DNM3: variants seen among roughly 807,000 people sequenced by gnomAD.
DNM3 encodes the protein dynamin 3, also known as dynamin-3.
In DNM3, 47 loss-of-function variants were observed where a neutral mutation model predicts 101.6. The observed-to-expected ratio is 0.46, with a 90% CI of 0.37 to 0.59. The LOEUF (loss-of-function observed/expected upper bound fraction) is 0.59, where lower values mean the gene tolerates loss of function less well. DNM3 is among the 20% of genes least tolerant of loss of function. The probability of loss-of-function intolerance (pLI) is 0.00; values close to 1 mark genes in which losing one functional copy is unlikely to be tolerated. For synonymous variants in DNM3, 385 were observed against 387.9 expected (o/e 0.99, Z 0.09); for missense variants, 849 against 1,085.7 (o/e 0.78, Z 3.06).
In DNM3 at chr1:172,323,349, T is replaced by A. The variant is rs948602909; in HGVS notation, c.1893+9T>A. The A allele has an allele frequency of 1.2e-6, 2 of 1,606,500 alleles. No homozygotes were observed. Among genetic ancestry groups the A allele is most frequent in the African/African-American group, 2.7e-5 (2 of 74,880 alleles). On this transcript the variant is annotated intron_variant, in intron 17 of 20. Transcript: ENST00000627582. ...CATAGGGGAACAACAAAGTAAGTTA[T>A]TTGTCCTCTTGCAGCTCTTCTGTCC...
intron 15 of DNM3, among the ~76,000 whole-genome samples, chr1:172,299,151 C>G (rs1360579350): frequency 6.6e-6 from 1 of 152,104 alleles, no homozygotes; most frequent in Non-Finnish European, 1.5e-5. Flanking sequence ...TATTCAAAAG[C>G]ATTGGAAGTA....
intron 1 of DNM3, among the ~76,000 whole-genome samples, chr1:171,847,886 C>G (rs200863921): frequency 0.036 from 1,853 of 50,836 alleles, 20 homozygotes; most frequent in East Asian, 0.11. Context: ...ATTACTCTCT[C>G]TCTCTCTCTC....
At chr1:172,009,146 ATT>A (rs1343368913) in intron 4 of DNM3, among the ~76,000 whole-genome samples, 4 of 138,428 alleles carry the variant, frequency 2.9e-5, no homozygotes, top group African/African-American at 1.1e-4. Context: ...TATTATATAT[ATT>A]ATATGATATA....
At chr1:172,235,934 A>G (rs1246417918) in intron 14 of DNM3, among the ~76,000 whole-genome samples, 3 of 152,294 alleles carry the variant, frequency 2.0e-5, no homozygotes, top group Non-Finnish European at 1.5e-5. Flanking sequence ...AACATGACAC[A>G]TGTATACATA....
Position 172,265,733 on chromosome 1 carries a change from C to T in DNM3, c.1769+12051C>T, listed in dbSNP as rs546931886. On this transcript the variant is annotated intron_variant, in intron 15 of 20. Coordinates refer to ENST00000627582, the MANE Select transcript of DNM3 (RefSeq NM_015569.5). ...GATAATGGCCTCACTGTGCTTCTCT[C>T]GGCTCTCCCCAGGCAGGCGTTCAGT... Among the ~76,000 whole-genome samples, 630 of 152,184 alleles carry T rather than the reference C, an allele frequency of 4.1e-3. 6 individuals carry two copies. Among genetic ancestry groups the T allele is most frequent in the Middle Eastern group, 6.8e-3 (2 of 294 alleles).
At chr1:172,171,836 C>CA (rs1373629508) in intron 14 of DNM3, among the ~76,000 whole-genome samples, 2 of 151,526 alleles carry the variant, frequency 1.3e-5, no homozygotes, top group Admixed American at 6.6e-5. Context: ...AGGACAGTGT[C>CA]AAAAAAATTT....
chr1:172,235,038 GAA>G (rs1230736196), intron 14 of DNM3, among the ~76,000 whole-genome samples: 1 of 152,040 alleles, frequency 6.6e-6, no homozygotes, highest in Non-Finnish European at 1.5e-5. Context: ...CACAGCAAAA[GAA>G]ACTACCATCA....
intron 7 of DNM3, among the ~76,000 whole-genome samples, chr1:172,040,106 G>T (rs2049262744): frequency 6.6e-6 from 1 of 152,130 alleles, no homozygotes; most frequent in African/African-American, 2.4e-5. Context: ...GAGAACTTTG[G>T]TAACATTTGT....
At chr1:171,946,724 A>G (rs1433828161) in intron 2 of DNM3, among the ~76,000 whole-genome samples, 1 of 152,196 alleles carries the variant, frequency 6.6e-6, no homozygotes, top group African/African-American at 2.4e-5. Flanking sequence ...GGTGTCAGCA[A>G]CTGCTTCTGA....
chr1:172,188,772 G>T (rs1390643340), intron 14 of DNM3, among the ~76,000 whole-genome samples: 2 of 152,038 alleles, frequency 1.3e-5, no homozygotes, highest in Non-Finnish European at 2.9e-5. Flanking sequence ...CTTTACAGGT[G>T]GCTGCATCAT....
At chr1:172,348,956 A>G (rs2067073036) in intron 17 of DNM3, among the ~76,000 whole-genome samples, 1 of 152,216 alleles carries the variant, frequency 6.6e-6, no homozygotes, top group African/African-American at 2.4e-5. Flanking sequence ...TCGTCTTCCC[A>G]GTAGCATTGT....
chr1:171,905,514 T>G (rs1375972096), intron 1 of DNM3, among the ~76,000 whole-genome samples: 1 of 152,060 alleles, frequency 6.6e-6, no homozygotes, highest in African/African-American at 2.4e-5. Flanking sequence ...TGTGGAGAAA[T>G]TTGATATGCA....
At chr1:172,176,293 G>A (rs1045366925) in intron 14 of DNM3, among the ~76,000 whole-genome samples, 2 of 151,796 alleles carry the variant, frequency 1.3e-5, no homozygotes, top group Non-Finnish European at 2.9e-5. Flanking sequence ...AGGAATGTAG[G>A]TAGCTTCTAG....
chr1:172,238,078 C>T (rs751840046), intron 14 of DNM3, among the ~76,000 whole-genome samples: 22 of 152,180 alleles, frequency 1.4e-4, no homozygotes, highest in Non-Finnish European at 2.6e-4. Flanking sequence ...AAATACATTA[C>T]TACCACTTGG....
In DNM3 at chr1:172,092,845, G is replaced by T; in HGVS notation, c.1515G>T (p.Gln505His). 1 of 1,559,668 alleles carries T rather than the reference G, an allele frequency of 6.4e-7. No homozygotes were observed. Among genetic ancestry groups the T allele is most frequent in the Non-Finnish European group, 8.7e-7 (1 of 1,150,794 alleles). ...GFANAQQRSSQVHKKTTVGNQ... is the reference protein window; with the variant it reads ...GFANAQQRSSHVHKKTTVGNQ... ...TCAGTGCTCAGCAGAGGAGCAGTCA[G>T]GTTCACAAGAAAACCACAGTTGGAA... is the stretch of plus-strand genomic sequence containing the variant. Residue 505 changes from glutamine (Q) to histidine (H), a missense_variant, in exon 13 of 21, where the codon CAG becomes CAT. This residue lies in a region of DNM3 where 193 missense variants were observed against 238.4 expected (regional missense o/e 0.81). Coordinates refer to ENST00000627582, the MANE Select transcript of DNM3 (RefSeq NM_015569.5).
intron 4 of DNM3, among the ~76,000 whole-genome samples, chr1:172,025,943 G>A (rs2048174371): frequency 1.3e-5 from 2 of 152,120 alleles, no homozygotes. Context: ...AACAAAACTG[G>A]AAGGAGAATG....
chr1:171,998,129 A>G (rs1189531686), intron 4 of DNM3, among the ~76,000 whole-genome samples: 1 of 152,162 alleles, frequency 6.6e-6, no homozygotes, highest in Non-Finnish European at 1.5e-5. Flanking sequence ...AGATGCCAAT[A>G]GTGTAATTCT....
intron 8 of DNM3, 83 bp from the exon 9 acceptor site, chr1:172,044,302 C>T: frequency 8.4e-7 from 1 of 1,185,524 alleles, no homozygotes; most frequent in Non-Finnish European, 1.2e-6. Context: ...ATAATGAAGT[C>T]AAGTTATTCT....
At chr1:172,211,563 A>G (rs1413635842) in intron 14 of DNM3, among the ~76,000 whole-genome samples, 1 of 152,160 alleles carries the variant, frequency 6.6e-6, no homozygotes, top group African/African-American at 2.4e-5. Context: ...GCAAGCAGCT[A>G]GAATATGCTT....
Sources: gnomAD v4.1 joint callset for allele counts (sites outside exome capture counted in the v4.1 genomes callset) on GRCh38, gnomAD v4.1.1 for gene constraint, gnomAD v4.1.1 regional missense constraint, MANE v1.5 for transcripts, NCBI Gene and HGNC (gene_info 2026-07-23, HGNC 2026-07-21) for gene names.